The following EHD1 variants were observed in gnomAD, a reference collection of about 807,000 sequenced individuals.
EHD1 encodes EH domain-containing protein 1.
In EHD1, 19 loss-of-function variants were observed where a neutral mutation model predicts 39.0. The observed-to-expected ratio is 0.49, with a 90% CI of 0.34 to 0.72. EHD1 has a LOEUF of 0.72. Ranked by LOEUF, EHD1 falls within the 30% of genes least tolerant of loss-of-function variation. The pLI is 0.01. For synonymous variants in EHD1, 323 were observed against 331.2 expected, an observed-to-expected ratio of 0.98 and a Z score of 0.27; for missense variants, 542 against 751.5, an observed-to-expected ratio of 0.72 and a Z score of 3.26.
intron 2 of EHD1, among the ~76,000 whole-genome samples, chr11:64,863,880 G>A (rs1445477981): frequency 6.6e-6 from 1 of 152,258 alleles, no homozygotes; most frequent in Non-Finnish European, 1.5e-5. Flanking sequence ...CTGCAGGGAG[G>A]AGGGCGTGTG....
rs564948518 is a variant in EHD1 at position 64,878,330 on chromosome 11, G to C, written c.135C>G (p.Phe45Leu). 6.2e-7 allele frequency: 1 copy of C among 1,614,156 alleles called. No homozygotes were observed. Among genetic ancestry groups the C allele is most frequent in the African/African-American group, 1.3e-5 (1 of 75,066 alleles). ...CAGCGTCCTCCAGCGCGGGCGAGTG[G>C]AACTCGTGGAAGCGGTAGTGCTCCT... The part of the protein sequence containing the change: ...PLEEHYRFHE[F>L]HSPALEDADF... The change falls in exon 1 of 5, where the codon TTC becomes TTG. Residue 45 changes from phenylalanine to leucine, a missense_variant. By Grantham distance (22) the Phe-to-Leu change is conservative. Coordinates refer to ENST00000320631, the MANE Select transcript of EHD1 (RefSeq NM_006795.4).
chr11:64,860,762 C>T (rs1431756035), intron 2 of EHD1, among the ~76,000 whole-genome samples: 1 of 151,162 alleles, frequency 6.6e-6, no homozygotes, highest in African/African-American at 2.4e-5. Flanking sequence ...TGGCTCACAC[C>T]TGTAATCCCG....
intron 2 of EHD1, among the ~76,000 whole-genome samples, chr11:64,865,059 C>T (rs1278376604): frequency 6.6e-6 from 1 of 152,224 alleles, no homozygotes; most frequent in African/African-American, 2.4e-5. Context: ...CAGAGGTAAG[C>T]CCATTTCTTT....
intron 2 of EHD1, among the ~76,000 whole-genome samples, chr11:64,865,452 C>G (rs746590447): frequency 5.9e-5 from 9 of 152,260 alleles, no homozygotes; most frequent in Non-Finnish European, 1.0e-4. Flanking sequence ...TTGGCACCCA[C>G]CAAGGTAGGG....
chr11:64,867,666 C>T (rs1019036970), intron 2 of EHD1, among the ~76,000 whole-genome samples: 6 of 152,034 alleles, frequency 3.9e-5, no homozygotes, highest in Non-Finnish European at 5.9e-5. Context: ...TGCAGTGGGC[C>T]GAGATTGATC....
intron 2 of EHD1, among the ~76,000 whole-genome samples, chr11:64,869,803 C>T (rs967063550): frequency 6.6e-6 from 1 of 152,214 alleles, no homozygotes; most frequent in Non-Finnish European, 1.5e-5. Context: ...CTTCGGAGCA[C>T]CCTGGTGAAA....
chr11:64,869,518 C>T (rs991554703), intron 2 of EHD1, among the ~76,000 whole-genome samples: 2 of 152,244 alleles, frequency 1.3e-5, no homozygotes, highest in African/African-American at 4.8e-5. Flanking sequence ...AACCAGCTGA[C>T]ACTTGAACAC....
At chr11:64,872,455 T>C (rs569909227) in intron 2 of EHD1, among the ~76,000 whole-genome samples, 3 of 152,326 alleles carry the variant, frequency 2.0e-5, no homozygotes, top group African/African-American at 7.2e-5. Context: ...AGCGACACTC[T>C]GTCTCAAAAA....
chr11:64,854,093 C>A lies in EHD1; in HGVS notation c.*240G>T. 1.4e-6 allele frequency: 1 copy of A among 705,736 alleles called. No homozygotes were observed. The highest frequency in any genetic ancestry group is 3.0e-5 in the Admixed American group (1 of 33,302). The allele number at this position is 705,736 out of a possible 1,614,324, so 43.7% of individuals were successfully genotyped here. On this transcript the variant is annotated 3_prime_UTR_variant, in exon 5 of 5. Transcript: ENST00000320631. ...GGGGAGGCGGCGACAAAGAACGCAG[C>A]CTCTAACGTTATATATTAAAATAGC...
intron 3 of EHD1, among the ~76,000 whole-genome samples, chr11:64,858,106 T>C (rs1943673620): frequency 6.6e-6 from 1 of 151,378 alleles, no homozygotes; most frequent in Non-Finnish European, 1.5e-5. Flanking sequence ...ACTCCTGGCC[T>C]TAAGGGATCC....
At chr11:64,878,909 G>A (rs923636728), upstream of EHD1, 28 of 1,030,926 alleles carry the variant, frequency 2.7e-5, no homozygotes, top group Admixed American at 5.4e-5. Flanking sequence ...GGCGTTCGGC[G>A]GAGACGGCCT....
chr11:64,855,646 A>G lies in EHD1; in HGVS notation c.916-160T>C. 3.9e-6 allele frequency: 4 copies of G among 1,018,094 alleles called. No individual in the cohort carries two copies. The South Asian group carries it at 6.1e-5, about 16-fold the overall frequency. The allele number at this position is 1,018,094 out of a possible 1,614,324, so 63.1% of individuals were successfully genotyped here. ...AAGGCCGCTACCACCACCGGCTCCC[A>G]CAGTCCTAGGAGCAGACACAATCTG... On this transcript the variant is annotated intron_variant, in intron 3 of 4. Transcript: ENST00000320631.
chr11:64,857,649 C>G (rs752057303), intron 3 of EHD1, among the ~76,000 whole-genome samples: 19 of 152,074 alleles, frequency 1.2e-4, no homozygotes, highest in Non-Finnish European at 2.1e-4. Flanking sequence ...CTGCTCAGAC[C>G]AGGTAGCACC....
At chr11:64,869,224 G>A (rs1415266556) in intron 2 of EHD1, among the ~76,000 whole-genome samples, 1 of 152,274 alleles carries the variant, frequency 6.6e-6, no homozygotes, top group Admixed American at 6.5e-5. Context: ...GGTGCTGAGC[G>A]CGGGCAGCGC....
chr11:64,874,372 A>G, intron 2 of EHD1, 49 bp downstream of exon 2: 1 of 1,512,494 alleles, frequency 6.6e-7, no homozygotes, highest in East Asian at 2.4e-5. Context: ...CTTAGAGAGA[A>G]GGATGTGTGA....
chr11:64,857,752 A>T (rs893810473), intron 3 of EHD1, among the ~76,000 whole-genome samples: 2 of 152,184 alleles, frequency 1.3e-5, no homozygotes, highest in African/African-American at 4.8e-5. Context: ...AGGCAGGGAC[A>T]TGGGCTCCCC....
At chr11:64,875,428 G>A (rs186717334) in intron 1 of EHD1, among the ~76,000 whole-genome samples, 4 of 152,328 alleles carry the variant, frequency 2.6e-5, no homozygotes, top group African/African-American at 4.8e-5. Context: ...GCACGCGCCT[G>A]TAGTCCCAGC....
chr11:64,862,480 G>C (rs547796638), intron 2 of EHD1, among the ~76,000 whole-genome samples: 2 of 152,330 alleles, frequency 1.3e-5, no homozygotes, highest in South Asian at 4.1e-4. Flanking sequence ...GATGTGATGG[G>C]AGGAGCTGGA....
intron 2 of EHD1, among the ~76,000 whole-genome samples, chr11:64,867,166 C>A (rs1338313638): frequency 2.0e-5 from 3 of 152,212 alleles, no homozygotes; most frequent in African/African-American, 7.2e-5. Flanking sequence ...CACCTGTAAT[C>A]CCAGTGCTTT....
Sources: allele counts gnomAD v4.1 joint callset (sites outside exome capture counted in the v4.1 genomes callset), GRCh38; gene constraint gnomAD v4.1.1; transcripts MANE v1.5; gene names NCBI Gene and HGNC (gene_info 2026-07-23, HGNC 2026-07-21).